DOCK6: variants seen among roughly 807,000 people sequenced by gnomAD.
DOCK6 encodes dedicator of cytokinesis protein 6.
DOCK6 carries 167 observed loss-of-function variants against 230.3 expected under a neutral mutation model. The observed-to-expected ratio is 0.73, with a 90% confidence interval of 0.64 to 0.82. The LOEUF (loss-of-function observed/expected upper bound fraction) is 0.82, where lower values mean the gene tolerates loss of function less well. Ranked by LOEUF, DOCK6 falls within the 40% of genes least tolerant of loss-of-function variation. The pLI, the probability that DOCK6 is intolerant of heterozygous loss-of-function variation, is 0.00. For synonymous variants in DOCK6, 1,148 were observed against 1,185.0 expected (o/e 0.97, Z 0.64); for missense variants, 2,598 against 2,825.8 (o/e 0.92, Z 1.83).
rs757766370 is a variant in DOCK6 at position 11,253,678 on chromosome 19, G to A, written c.93C>T (p.Gly31=). 23 of 1,467,386 alleles carry A rather than the reference G, an allele frequency of 1.6e-5. No homozygotes were observed. Among genetic ancestry groups the A allele is most frequent in the Non-Finnish European group, 2.1e-5 (23 of 1,116,212 alleles). 90.9% of individuals were successfully genotyped at this position (1,467,386 alleles called of 1,614,324 possible). Reference sequence around the variant, plus strand: ...TGCAGCGCCTGCTGGAGTGGGGGGAGCCACTGCGTTCCCGGGACACCTGCT... The same window carrying A: ...TGCAGCGCCTGCTGGAGTGGGGGGAACCACTGCGTTCCCGGGACACCTGCT... ...VRKQVSRERS[G]SPHSSRRCSS... Residue 31 remains glycine, a synonymous_variant, in exon 2 of 48, where the codon GGC becomes GGT. Coordinates refer to ENST00000294618, the MANE Select transcript of DOCK6 (RefSeq NM_020812.4).
chr19:11,204,478 A>G, intron 39 of DOCK6, 147 bp from the exon 40 acceptor site: 15 of 1,083,864 alleles, frequency 1.4e-5, no homozygotes, highest in Non-Finnish European at 1.9e-5. Context: ...CCCCTATCCC[A>G]GATAGGGGTT....
intron 28 of DOCK6, chr19:11,221,619 T>C: frequency 1.8e-6 from 1 of 568,992 alleles, no homozygotes; most frequent in Non-Finnish European, 3.1e-6. Flanking sequence ...CCCCCACATT[T>C]TCACATAACC....
chr19:11,215,471 T>A lies in DOCK6; in HGVS notation c.4022A>T (p.Glu1341Val). ...ARQEMVRRSR[E>V]RSPFGNPENV... ...CTCCGGATTCCCAAACGGGCTCCTC[T>A]CTGAGACGCGTGGGTGCACGATCAC... The change falls in exon 32 of 48, where the codon GAG becomes GTG. Residue 1341 changes from glutamate to valine, a missense_variant and splice_region_variant. Transcript: ENST00000294618. 1 of 1,611,680 alleles carries A rather than the reference T, an allele frequency of 6.2e-7. No homozygotes were observed. The highest frequency in any genetic ancestry group is 8.5e-7 in the Non-Finnish European group (1 of 1,179,496).
chr19:11,219,142 G>T (rs1179897462), intron 28 of DOCK6, among the ~76,000 whole-genome samples: 1 of 140,498 alleles, frequency 7.1e-6, no homozygotes, highest in Non-Finnish European at 1.5e-5. Flanking sequence ...CTCCCAAAGT[G>T]CTGAGATTAC....
At chr19:11,245,539 C>A (rs1401361972) in intron 9 of DOCK6, 24 bp downstream of exon 9, 1 of 1,548,344 alleles carries the variant, frequency 6.5e-7, no homozygotes, top group Admixed American at 2.0e-5. Flanking sequence ...CATTACCACC[C>A]CCTTGCCCAG....
Position 11,233,202 on chromosome 19 carries a change from C to T in DOCK6, c.2718+1G>A. 1 of 1,612,888 alleles carries T rather than the reference C, an allele frequency of 6.2e-7. No individual in the cohort carries two copies. The highest frequency in any genetic ancestry group is 8.5e-7 in the Non-Finnish European group (1 of 1,179,586). On this transcript the variant is annotated splice_donor_variant, in intron 22 of 47. Coordinates refer to ENST00000294618, the MANE Select transcript of DOCK6 (RefSeq NM_020812.4). LOFTEE classifies it high-confidence loss of function. ...AGATTCCAGGGCCCCCGTTGCCCTA[C>T]CTTGCTGGCCAGGATGCGGGAAACC... is the stretch of plus-strand genomic sequence containing the variant.
In DOCK6 at chr19:11,236,155, C is replaced by T. The variant is rs767391371; in HGVS notation, c.2392+191G>A. On this transcript the variant is annotated intron_variant, in intron 20 of 47. Coordinates refer to ENST00000294618, the MANE Select transcript of DOCK6 (RefSeq NM_020812.4). This position sits in a 1 kb window ranked among gnomAD's most constrained non-coding sequence, Gnocchi z 5.2. ...TCGGCCTCCCAAAGTGCTGGGATGA[C>T]AGGCGTGAACCGCTGCACCCGGGCC... The T allele has an allele frequency of 1.7e-5, 11 of 643,572 alleles. No homozygotes were observed. The highest frequency in any genetic ancestry group is 2.3e-5 in the Non-Finnish European group (9 of 383,586). 39.9% of individuals were successfully genotyped at this position (643,572 alleles called of 1,614,324 possible). A position where few individuals can be genotyped will look rare whatever the true frequency, so the allele number is the denominator to read the frequency against.
At chr19:11,215,257 T>A (rs539355159) in intron 32 of DOCK6, 130 bp downstream of exon 32, 1 of 796,156 alleles carries the variant, frequency 1.3e-6, no homozygotes, top group African/African-American at 1.7e-5. Flanking sequence ...CCCGGCTAAT[T>A]TTTAAATTTT....
chr19:11,230,697 A>G (rs775030935), intron 22 of DOCK6, among the ~76,000 whole-genome samples: 5 of 152,072 alleles, frequency 3.3e-5, no homozygotes, highest in Admixed American at 2.0e-4. Context: ...AAGACAAGGC[A>G]GGAAGATAAG....
Position 11,243,005 on chromosome 19 carries a change from T to C in DOCK6, c.1480+54A>G, listed in dbSNP as rs2079970203. ...ACAGTAGGTGCTCTCAGTGTAGGTTTGTTGAGTGGCTGAGTGAGAGTGATA... is the reference window on the plus strand; with the variant it reads ...ACAGTAGGTGCTCTCAGTGTAGGTTCGTTGAGTGGCTGAGTGAGAGTGATA... On this transcript the variant is annotated intron_variant, in intron 13 of 47. Coordinates refer to ENST00000294618, the MANE Select transcript of DOCK6 (RefSeq NM_020812.4). The surrounding 1 kb of genome is among the most constrained non-coding windows in gnomAD (Gnocchi z 6.3). The C allele has an allele frequency of 1.2e-6, 2 of 1,600,932 alleles. No individual in the cohort carries two copies. The highest frequency in any genetic ancestry group is 2.7e-5 in the African/African-American group (2 of 74,736).
At position 11,215,185 on chromosome 19, in the gene DOCK6, C is replaced by T. The variant is rs1339521221; in HGVS notation, c.4106+202G>A. Among the ~76,000 whole-genome samples, 18 of 152,212 alleles carry T rather than the reference C, an allele frequency of 1.2e-4. No homozygotes were observed. In the East Asian group the frequency reaches 2.9e-3, roughly 24 times the overall value. On this transcript the variant is annotated intron_variant, in intron 32 of 47. Coordinates refer to ENST00000294618, the MANE Select transcript of DOCK6 (RefSeq NM_020812.4). ...GTCTCGATCTCCTGATCTTGTGATC[C>T]GCCTGCCTCGGCCTCCCAAAGTGCT...
chr19:11,221,036 G>C (rs60513580), intron 28 of DOCK6: 6,164 of 152,128 alleles, frequency 0.041, 432 homozygotes, highest in African/African-American at 0.14. Context: ...ATGTTAGCCA[G>C]GATGGTCTCG....
chr19:11,252,046 A>C lies in DOCK6; in HGVS notation c.507+73T>G, dbSNP rs1012979130. On this transcript the variant is annotated intron_variant, in intron 5 of 47. Transcript: ENST00000294618. ...AAGGCTGTTTGGGTCATTTCCTGTCACATGTGACCAAAAGCTGAGGCCGGA... is the reference window on the plus strand; with the variant it reads ...AAGGCTGTTTGGGTCATTTCCTGTCCCATGTGACCAAAAGCTGAGGCCGGA... The C allele has an allele frequency of 7.1e-6, 11 of 1,552,146 alleles. No homozygotes were observed. The African/African-American group carries it at 1.2e-4, about 17-fold the overall frequency.
chr19:11,222,641 C>A lies in DOCK6; in HGVS notation c.3240+94G>T, dbSNP rs118063568. ...TTAGTTCACCTAGGCAGTGGTCCAC[C>A]GTGAAAGGGACAGAGATGAGGGAAC... On this transcript the variant is annotated intron_variant, in intron 26 of 47. Coordinates refer to ENST00000294618, the MANE Select transcript of DOCK6 (RefSeq NM_020812.4). The surrounding 1 kb of genome is among the most constrained non-coding windows in gnomAD (Gnocchi z 4.0). 2 of 1,332,976 alleles carry A rather than the reference C, an allele frequency of 1.5e-6. No individual in the cohort carries two copies. Among genetic ancestry groups the A allele is most frequent in the South Asian group, 2.9e-5 (2 of 68,704 alleles). 82.6% of individuals were successfully genotyped at this position (1,332,976 alleles called of 1,614,324 possible).
chr19:11,199,431 C>A lies in DOCK6; in HGVS notation c.*66G>T. On this transcript the variant is annotated 3_prime_UTR_variant, in exon 48 of 48. Transcript: ENST00000294618. The stretch of plus-strand genomic sequence containing the variant: ...CCAGTGGGCACCAGGGCAGACTCCC[C>A]TCGCAGCACAGACAGCTGAGGCCCG... 6.5e-7 allele frequency: 1 copy of A among 1,545,058 alleles called. No individual in the cohort carries two copies. The highest frequency in any genetic ancestry group is 1.2e-5 in the South Asian group (1 of 83,920).
In DOCK6 at chr19:11,209,064, C is replaced by T. The variant is rs1252012303; in HGVS notation, c.4791G>A (p.Leu1597=). Reference sequence around the variant, plus strand: ...TCCCGGCCATGTTCTGCAACCAGGTCAGCCGAAGGTCCGGTGAGCCCTGGT... The same window carrying T: ...TCCCGGCCATGTTCTGCAACCAGGTTAGCCGAAGGTCCGGTGAGCCCTGGT... ...RGYQGSPDLR[L]TWLQNMAGKH... Residue 1597 remains leucine, a synonymous_variant, in exon 38 of 48, where the codon CTG becomes CTA. Transcript: ENST00000294618. The T allele has an allele frequency of 6.2e-7, 1 of 1,612,326 alleles. No homozygotes were observed. Among genetic ancestry groups the T allele is most frequent in the South Asian group, 1.1e-5 (1 of 90,988 alleles).
Position 11,202,288 on chromosome 19 carries a change from A to C in DOCK6, c.5451+106T>G, listed in dbSNP as rs2079182673. 10 of 1,449,142 alleles carry C rather than the reference A, an allele frequency of 6.9e-6. No individual in the cohort carries two copies. The highest frequency in any genetic ancestry group is 5.7e-6 in the Non-Finnish European group (6 of 1,058,806). 89.8% of individuals were successfully genotyped at this position (1,449,142 alleles called of 1,614,324 possible). ...ATAGGTTTTGGGGTCCCTCAGTGAAATATGATTTGGGGTTTCCCAGAGAAA... is the reference window on the plus strand; with the variant it reads ...ATAGGTTTTGGGGTCCCTCAGTGAACTATGATTTGGGGTTTCCCAGAGAAA... On this transcript the variant is annotated intron_variant, in intron 43 of 47. Transcript: ENST00000294618. The surrounding 1 kb of genome is among the most constrained non-coding windows in gnomAD (Gnocchi z 5.3).
intron 5 of DOCK6, chr19:11,251,779 A>C (rs2080121211): frequency 5.5e-6 from 1 of 182,216 alleles, no homozygotes; most frequent in African/African-American, 2.4e-5. Flanking sequence ...CTTTGGAATA[A>C]TTATGGTTGG....
chr19:11,210,603 C>T (rs568640782), intron 37 of DOCK6, among the ~76,000 whole-genome samples: 77 of 144,920 alleles, frequency 5.3e-4, no homozygotes, highest in African/African-American at 1.8e-3. Flanking sequence ...TTCACCTGTC[C>T]ATCCCTTCAC....
Sources: allele counts gnomAD v4.1 joint callset (sites outside exome capture counted in the v4.1 genomes callset), GRCh38; gene constraint gnomAD v4.1.1; non-coding constraint Gnocchi (gnomAD v3.1); transcripts MANE v1.5; gene names NCBI Gene and HGNC (gene_info 2026-07-23, HGNC 2026-07-21).